The following MEGF10 variants were observed in gnomAD, a reference collection of about 807,000 sequenced individuals.
MEGF10 encodes multiple EGF like domains 10, also known as multiple epidermal growth factor-like domains protein 10.
Under a neutral mutation model 147.5 loss-of-function variants are expected in MEGF10, and 86 were observed. That is an observed-to-expected ratio of 0.58 (90% CI 0.49 to 0.70). MEGF10 has a LOEUF of 0.70. Among genes scored for constraint, MEGF10 ranks in the 30% least tolerant of loss-of-function variants. The pLI is 0.00. For missense variants in MEGF10, 1,329 were observed against 1,487.3 expected, an observed-to-expected ratio of 0.89 and a Z score of 1.75; for synonymous variants, 478 against 525.5, an observed-to-expected ratio of 0.91 and a Z score of 1.24.
intron 21 of MEGF10, among the ~76,000 whole-genome samples, chr5:127,448,760 T>C (rs1263040067): frequency 6.6e-6 from 1 of 152,042 alleles, no homozygotes. Context: ...AAACATACAA[T>C]TTTTGATGGA....
chr5:127,410,875 G>C (rs933716362), intron 9 of MEGF10, among the ~76,000 whole-genome samples: 15 of 152,206 alleles, frequency 9.9e-5, no homozygotes, highest in African/African-American at 3.4e-4. Context: ...ATTTGCTGAG[G>C]TTAGTAGAAC....
chr5:127,438,932 G>T (rs890373584), intron 17 of MEGF10, among the ~76,000 whole-genome samples: 2 of 152,202 alleles, frequency 1.3e-5, no homozygotes, highest in African/African-American at 2.4e-5. Flanking sequence ...AAGCCTCACT[G>T]CCTGATTTAA....
the MEGF10 span, among the ~76,000 whole-genome samples, chr5:127,236,551 A>G: frequency 2.0e-5 from 3 of 152,136 alleles, no homozygotes; most frequent in African/African-American, 7.2e-5. Flanking sequence ...TCTCCTACCC[A>G]GTATTCTGAG....
chr5:127,433,996 G>T (rs1404785048), intron 14 of MEGF10, among the ~76,000 whole-genome samples: 1 of 152,178 alleles, frequency 6.6e-6, no homozygotes, highest in Non-Finnish European at 1.5e-5. Context: ...TGTTGACATT[G>T]GTCCTTAAGA....
At chr5:127,422,019 C>T (rs78701848) in intron 12 of MEGF10, among the ~76,000 whole-genome samples, 2,662 of 147,642 alleles carry the variant, frequency 0.018, 49 homozygotes, top group South Asian at 0.077. Flanking sequence ...TGACCCTGAC[C>T]CACACAAAAA....
At chr5:127,302,276 T>G (rs1340098565) in intron 1 of MEGF10, among the ~76,000 whole-genome samples, 3 of 152,178 alleles carry the variant, frequency 2.0e-5, no homozygotes, top group African/African-American at 4.8e-5. Context: ...CAGAATGGAA[T>G]ATTATTTAGT....
Position 127,433,479 on chromosome 5 carries a change from C to G in MEGF10, c.1810C>G (p.Pro604Ala), listed in dbSNP as rs202135671. Residue 604 changes from proline to alanine, a missense_variant, in exon 14 of 25, where the codon CCA (proline) becomes GCA (alanine). Physicochemically the swap from Pro to Ala is conservative, Grantham distance 27. Around this residue, in one of 3 missense-constraint regions of MEGF10, gnomAD observed 980 missense variants for 1,085.9 expected, o/e 0.90. Transcript: ENST00000503335. ...SPDDGICECA[P>A]GFRGTTCQRI... ...TGATGATGGCATCTGCGAGTGTGCA[C>G]CAGGCTTCCGAGGCACCACTTGTCA... 12 of 1,611,742 alleles carry G rather than the reference C, an allele frequency of 7.4e-6. No individual in the cohort carries two copies. The highest frequency in any genetic ancestry group is 9.3e-6 in the Non-Finnish European group (11 of 1,178,874).
chr5:127,410,751 G>A, intron 9 of MEGF10, 150 bp downstream of exon 9: 1 of 691,546 alleles, frequency 1.4e-6, no homozygotes, highest in Non-Finnish European at 2.4e-6. Flanking sequence ...CGAGTAAAAG[G>A]AAGACATTTT....
intron 12 of MEGF10, 26 bp downstream of exon 12, chr5:127,420,233 G>A (rs1764946125): frequency 6.2e-7 from 1 of 1,608,578 alleles, no homozygotes; most frequent in Non-Finnish European, 8.5e-7. Context: ...CGCCCTGACG[G>A]AAAACGCCTA....
At chr5:127,352,688 C>G (rs887318948) in intron 4 of MEGF10, among the ~76,000 whole-genome samples, 6 of 151,850 alleles carry the variant, frequency 4.0e-5, no homozygotes, top group Admixed American at 3.3e-4. Flanking sequence ...AAAAAAAAAG[C>G]GTTTATTTAC....
rs1261959663 is a variant in MEGF10, at chr5:127,458,334, A to C, written c.*1016A>C. 6.6e-6 allele frequency: 1 copy of C among 152,204 alleles called. No homozygotes were observed. Among genetic ancestry groups the C allele is most frequent in the Non-Finnish European group, 1.5e-5 (1 of 68,032 alleles). 9.4% of individuals were successfully genotyped at this position (152,204 alleles called of 1,614,324 possible). A position where few individuals can be genotyped will look rare whatever the true frequency, so the allele number is the denominator to read the frequency against. ...AGAAGTGACTGAAATATTTTTGTGC[A>C]TATTTGAGAAAGGGAACTTTCCTTT... is the stretch of plus-strand genomic sequence containing the variant. On this transcript the variant is annotated 3_prime_UTR_variant, in exon 25 of 25. Transcript: ENST00000503335.
chr5:127,261,504 C>T, the MEGF10 span, among the ~76,000 whole-genome samples: 3 of 152,010 alleles, frequency 2.0e-5, no homozygotes, highest in African/African-American at 7.2e-5. Context: ...TTTTACTTAT[C>T]CATTCATTAG....
chr5:127,391,164 A>T lies in MEGF10; in HGVS notation c.413-5368A>T, dbSNP rs1478618451. On this transcript the variant is annotated intron_variant, in intron 5 of 24. Transcript: ENST00000503335. Reference sequence around the variant, plus strand: ...CACACACACACACACATACATGCTTATTTCTTTAGGAAAAACTCCCAAGAG... The same window carrying T: ...CACACACACACACACATACATGCTTTTTTCTTTAGGAAAAACTCCCAAGAG... Among the ~76,000 whole-genome samples, 5 of 147,312 alleles carry T rather than the reference A, an allele frequency of 3.4e-5. No individual in the cohort carries two copies. In the South Asian group the frequency reaches 1.1e-3, roughly 33 times the overall value.
At position 127,459,405 on chromosome 5, in the gene MEGF10, C is replaced by G. The variant is rs1766483408; in HGVS notation, c.*2087C>G. 1 of 152,172 alleles carries G rather than the reference C, an allele frequency of 6.6e-6. No individual in the cohort carries two copies. Among genetic ancestry groups the G allele is most frequent in the Non-Finnish European group, 1.5e-5 (1 of 68,040 alleles). 9.4% of individuals were successfully genotyped at this position (152,172 alleles called of 1,614,324 possible). A position where few individuals can be genotyped will look rare whatever the true frequency, so the allele number is the denominator to read the frequency against. ...GTTAACCACTGGCTGGCTCCCAACT[C>G]TAGGTGATAGGCATCTAATTGAGAC... is the stretch of plus-strand genomic sequence containing the variant. On this transcript the variant is annotated 3_prime_UTR_variant, in exon 25 of 25. Coordinates refer to ENST00000503335, the MANE Select transcript of MEGF10 (RefSeq NM_001256545.2).
chr5:127,239,406 C>G, the MEGF10 span, among the ~76,000 whole-genome samples: 3 of 144,862 alleles, frequency 2.1e-5, no homozygotes, highest in South Asian at 2.1e-4. Flanking sequence ...CACACACACA[C>G]ACACACACAC....
chr5:127,259,755 G>C, the MEGF10 span, among the ~76,000 whole-genome samples: 1 of 152,178 alleles, frequency 6.6e-6, no homozygotes, highest in African/African-American at 2.4e-5. Flanking sequence ...TGCCTAGAGA[G>C]ACTGCCGTGT....
chr5:127,428,893 A>G (rs969387617), intron 13 of MEGF10, among the ~76,000 whole-genome samples: 1 of 152,232 alleles, frequency 6.6e-6, no homozygotes, highest in Non-Finnish European at 1.5e-5. Flanking sequence ...CGCTGGCATA[A>G]TGCATCAGGC....
At chr5:127,403,548 T>C (rs1288577445) in intron 8 of MEGF10, among the ~76,000 whole-genome samples, 2 of 152,142 alleles carry the variant, frequency 1.3e-5, no homozygotes, top group Non-Finnish European at 2.9e-5. Context: ...TCTTTCTAAT[T>C]TTTTTTGTAC....
chr5:127,303,099 G>A (rs144299461), intron 1 of MEGF10, among the ~76,000 whole-genome samples: 2,298 of 152,130 alleles, frequency 0.015, 62 homozygotes, highest in African/African-American at 0.05. Flanking sequence ...CACTTTGGGA[G>A]GCCAAGGTGG....
Sources: allele counts gnomAD v4.1 joint callset (sites outside exome capture counted in the v4.1 genomes callset), GRCh38; gene constraint gnomAD v4.1.1; regional missense constraint gnomAD v4.1.1; transcripts MANE v1.5; gene names NCBI Gene and HGNC (gene_info 2026-07-23, HGNC 2026-07-21).